The following ODR4 variants were observed in gnomAD, a reference collection of about 807,000 sequenced individuals.
The protein encoded by ODR4 is odr-4 GPCR localization factor homolog.
ODR4 carries 47 observed loss-of-function variants against 60.2 expected under a neutral mutation model. The observed-to-expected ratio is 0.78, with a 90% confidence interval of 0.62 to 1.00. ODR4 has a LOEUF of 1.00. ODR4 is among the 50% of genes least tolerant of loss of function. ODR4 has a pLI of 0.00. For synonymous variants in ODR4, 178 were observed against 175.5 expected, an observed-to-expected ratio of 1.01 and a Z score of -0.11; for missense variants, 488 against 530.8, an observed-to-expected ratio of 0.92 and a Z score of 0.79.
At chr1:186,382,654 C>T (rs1388529416) in intron 2 of ODR4, among the ~76,000 whole-genome samples, 1 of 152,122 alleles carries the variant, frequency 6.6e-6, no homozygotes, top group Non-Finnish European at 1.5e-5. Context: ...TCATTTATAA[C>T]TTATAAAACA....
chr1:186,405,814 A>G (rs1412345832), intron 11 of ODR4, among the ~76,000 whole-genome samples: 1 of 152,012 alleles, frequency 6.6e-6, no homozygotes, highest in East Asian at 1.9e-4. Flanking sequence ...AGCCTCCCAA[A>G]GTGCTGGGAT....
At chr1:186,404,919 C>G (rs748116697) in intron 11 of ODR4, among the ~76,000 whole-genome samples, 2 of 152,160 alleles carry the variant, frequency 1.3e-5, no homozygotes, top group Non-Finnish European at 2.9e-5. Flanking sequence ...CACAAAATTT[C>G]TATCTTTCTG....
At chr1:186,393,305 A>G (rs1660539086) in intron 8 of ODR4, among the ~76,000 whole-genome samples, 1 of 152,220 alleles carries the variant, frequency 6.6e-6, no homozygotes, top group Non-Finnish European at 1.5e-5. Flanking sequence ...CAGGAAAAAA[A>G]AGAAAATGAT....
At chr1:186,407,362 T>C (rs1241359077) in intron 12 of ODR4, among the ~76,000 whole-genome samples, 1 of 152,120 alleles carries the variant, frequency 6.6e-6, no homozygotes, top group Non-Finnish European at 1.5e-5. Context: ...CCAAAATTTA[T>C]TTTCCTTGGT....
At chr1:186,385,368 C>T (rs3119332) in intron 3 of ODR4, among the ~76,000 whole-genome samples, 5,360 of 149,252 alleles carry the variant, frequency 0.036, 113 homozygotes, top group Non-Finnish European at 0.048. Context: ...AGCTCCCTGA[C>T]CAACTAGTAG....
intron 12 of ODR4, among the ~76,000 whole-genome samples, chr1:186,415,150 TAGAAGA>T (rs1661515863): frequency 6.6e-6 from 1 of 152,044 alleles, no homozygotes; most frequent in Non-Finnish European, 1.5e-5. Context: ...AGTTAAATGC[TAGAAGA>T]AGAAAAAGAA....
chr1:186,378,001 C>T (rs939327117), intron 1 of ODR4, among the ~76,000 whole-genome samples: 40 of 151,408 alleles, frequency 2.6e-4, no homozygotes, highest in Non-Finnish European at 4.1e-4. Flanking sequence ...GCCGAGATCG[C>T]GCCACTGCAC....
chr1:186,388,473 G>A lies in ODR4; in HGVS notation c.362G>A (p.Arg121Lys). The change falls in exon 5 of 14, where the codon AGA becomes AAA. Residue 121 changes from arginine (R) to lysine (K), a missense_variant. Physicochemically the swap from Arg to Lys is conservative, Grantham distance 26. Coordinates refer to ENST00000287859, the MANE Select transcript of ODR4 (RefSeq NM_017847.6). ...TTTGCTGTGGAAAAGTCTATAAATA[G>A]AAAGAGATTGTGGAATTTCACAGAG... ...LMFAVEKSIN[R>K]KRLWNFTEEE... 1 of 1,567,798 alleles carries A rather than the reference G, an allele frequency of 6.4e-7. No homozygotes were observed. Among genetic ancestry groups the A allele is most frequent in the Non-Finnish European group, 8.7e-7 (1 of 1,155,782 alleles).
At position 186,420,873 on chromosome 1, in the gene ODR4, A is replaced by C. The variant is rs967550979; in HGVS notation, c.*1797A>C. The C allele has an allele frequency of 1.3e-5, 2 of 152,204 alleles. No homozygotes were observed. Among genetic ancestry groups the C allele is most frequent in the African/African-American group, 4.8e-5 (2 of 41,452 alleles). The allele number at this position is 152,204 out of a possible 1,614,324, so 9.4% of individuals were successfully genotyped here. ...AATTTTACAAATTTGTTGGAAAAAC[A>C]TGAATTCATAAATTCAGGAAGCACA... is the stretch of plus-strand genomic sequence containing the variant. On this transcript the variant is annotated 3_prime_UTR_variant, in exon 14 of 14. Transcript: ENST00000287859.
At chr1:186,382,203 T>C (rs923621050) in intron 2 of ODR4, among the ~76,000 whole-genome samples, 30 of 148,908 alleles carry the variant, frequency 2.0e-4, no homozygotes, top group African/African-American at 7.2e-4. Context: ...GGTCAGAGTT[T>C]GACCTAGCCT....
chr1:186,375,933 TC>T lies in ODR4; in HGVS notation c.-59del, dbSNP rs2102001792. On this transcript the variant is annotated 5_prime_UTR_variant, in exon 1 of 14. Transcript: ENST00000287859. Reference sequence around the variant, plus strand: ...ACCCCCATCTCCGGCGGAGAGACCGTCCGAGGTAATTGTCTGCCACGAGTGC... The same window carrying T: ...ACCCCCATCTCCGGCGGAGAGACCGTCGAGGTAATTGTCTGCCACGAGTGC... 1 of 215,926 alleles carries T rather than the reference TC, an allele frequency of 4.6e-6. No individual in the cohort carries two copies. Among genetic ancestry groups the T allele is most frequent in the Non-Finnish European group, 1.0e-5 (1 of 98,574 alleles). 13.4% of individuals were successfully genotyped at this position (215,926 alleles called of 1,614,324 possible).
the ODR4 span, among the ~76,000 whole-genome samples, chr1:186,433,992 C>G: frequency 6.6e-6 from 1 of 152,140 alleles, no homozygotes; most frequent in African/African-American, 2.4e-5. Context: ...AAGAACTGCA[C>G]TGAAATTTCT....
At chr1:186,396,589 A>G (rs954966087) in intron 9 of ODR4, among the ~76,000 whole-genome samples, 1 of 152,134 alleles carries the variant, frequency 6.6e-6, no homozygotes, top group African/African-American at 2.4e-5. Context: ...AGGCTGGATG[A>G]CAGAACAAGA....
chr1:186,409,856 T>A (rs1402864555), intron 12 of ODR4, among the ~76,000 whole-genome samples: 5 of 152,076 alleles, frequency 3.3e-5, no homozygotes, highest in Non-Finnish European at 5.9e-5. Flanking sequence ...TAGAGTTTTT[T>A]AAAAAAATGT....
chr1:186,404,900 C>G (rs1040845086), intron 11 of ODR4, among the ~76,000 whole-genome samples: 24 of 152,124 alleles, frequency 1.6e-4, no homozygotes, highest in Non-Finnish European at 1.2e-4. Context: ...TGAAAGAGGT[C>G]ATTCTTTTCA....
chr1:186,382,955 G>A (rs1660095743), intron 2 of ODR4, 67 bp from the exon 3 acceptor site: 3 of 1,464,320 alleles, frequency 2.0e-6, no homozygotes, highest in African/African-American at 1.4e-5. Flanking sequence ...AAGGAATTTA[G>A]GTATCACTCT....
intron 12 of ODR4, 33 bp from the exon 13 acceptor site, chr1:186,417,511 T>G (rs1339139598): frequency 4.2e-6 from 5 of 1,193,408 alleles, no homozygotes; most frequent in Non-Finnish European, 6.0e-6. Context: ...ATCCTTATTT[T>G]ATGTGGAATT....
At chr1:186,381,077 G>C (rs1403882789) in intron 2 of ODR4, among the ~76,000 whole-genome samples, 2 of 152,210 alleles carry the variant, frequency 1.3e-5, no homozygotes, top group Admixed American at 6.5e-5. Flanking sequence ...CTTGAGAACA[G>C]TGTGAATTTC....
the ODR4 span, among the ~76,000 whole-genome samples, chr1:186,431,753 G>A: frequency 6.6e-6 from 1 of 152,180 alleles, no homozygotes; most frequent in Non-Finnish European, 1.5e-5. Context: ...TGAAGAGGCA[G>A]ATTTCAGTAA....
Sources: allele counts gnomAD v4.1 joint callset (sites outside exome capture counted in the v4.1 genomes callset), GRCh38; gene constraint gnomAD v4.1.1; transcripts MANE v1.5; gene names NCBI Gene and HGNC (gene_info 2026-07-23, HGNC 2026-07-21).